The following CACNA1D variants were observed in gnomAD, a reference collection of about 807,000 sequenced individuals.
CACNA1D encodes calcium voltage-gated channel subunit alpha1 D.
A neutral mutation model predicts 257.1 loss-of-function variants in CACNA1D; 55 were observed. That is an observed-to-expected ratio of 0.21 (90% CI 0.17 to 0.27). The LOEUF is 0.27. CACNA1D is among the 10% of genes least tolerant of loss of function. The pLI is 1.00. For missense variants in CACNA1D, 1,876 were observed against 2,784.0 expected, an observed-to-expected ratio of 0.67 and a Z score of 7.34; for synonymous variants, 980 against 1,014.9, an observed-to-expected ratio of 0.97 and a Z score of 0.65.
intron 9 of CACNA1D, among the ~76,000 whole-genome samples, chr3:53,706,268 G>C (rs2094688200): frequency 6.6e-6 from 1 of 152,212 alleles, no homozygotes; most frequent in Non-Finnish European, 1.5e-5. Flanking sequence ...AATGCTTCCT[G>C]ATAGCCGAGC....
rs1005641102 is a variant in CACNA1D at position 53,793,958 on chromosome 3, T to C, written c.4924-6291T>C. Among the ~76,000 whole-genome samples, 1 of 152,178 alleles carries C rather than the reference T, an allele frequency of 6.6e-6. No individual in the cohort carries two copies. Among genetic ancestry groups the C allele is most frequent in the Non-Finnish European group, 1.5e-5 (1 of 68,020 alleles). On this transcript the variant is annotated intron_variant, in intron 40 of 47. Transcript: ENST00000350061. The surrounding 1 kb of genome is among the most constrained non-coding windows in gnomAD (Gnocchi z 4.1). ...ACACCAGCATCCATAGGCTAAACTCTTCAGCTCCTGGATAGAAGATGAGAG... is the reference window on the plus strand; with the variant it reads ...ACACCAGCATCCATAGGCTAAACTCCTCAGCTCCTGGATAGAAGATGAGAG...
At chr3:53,750,179 T>C (rs2095213139) in intron 27 of CACNA1D, among the ~76,000 whole-genome samples, 1 of 152,136 alleles carries the variant, frequency 6.6e-6, no homozygotes. Flanking sequence ...GTAGGAGCCT[T>C]TTGCTCGGGT....
chr3:53,590,143 C>T (rs2093281976), intron 3 of CACNA1D, among the ~76,000 whole-genome samples: 1 of 152,254 alleles, frequency 6.6e-6, no homozygotes, highest in Non-Finnish European at 1.5e-5. Context: ...CCTGGCCATC[C>T]AGCCTCAGCT....
At chr3:53,513,310 T>C (rs944724130) in intron 3 of CACNA1D, among the ~76,000 whole-genome samples, 1 of 152,234 alleles carries the variant, frequency 6.6e-6, no homozygotes, top group African/African-American at 2.4e-5. Context: ...TCGTAGTCAT[T>C]GTGCCTTTGT....
chr3:53,684,621 CAAA>C (rs60026644), intron 8 of CACNA1D, among the ~76,000 whole-genome samples: 10 of 84,530 alleles, frequency 1.2e-4, no homozygotes, highest in East Asian at 2.7e-4. Context: ...GAAACTCTGT[CAAA>C]AAAAAAAAAA....
At chr3:53,579,545 AG>A (rs2093095551) in intron 3 of CACNA1D, among the ~76,000 whole-genome samples, 1 of 152,214 alleles carries the variant, frequency 6.6e-6, no homozygotes, top group Non-Finnish European at 1.5e-5. Flanking sequence ...AAAGATTTGT[AG>A]GGAATTTACT....
chr3:53,654,359 G>A (rs1360207788), intron 4 of CACNA1D, among the ~76,000 whole-genome samples: 1 of 152,168 alleles, frequency 6.6e-6, no homozygotes. Flanking sequence ...TAATAACAGT[G>A]TATTGTGGTG....
chr3:53,534,891 G>A (rs574649430), intron 3 of CACNA1D, among the ~76,000 whole-genome samples: 2 of 152,306 alleles, frequency 1.3e-5, no homozygotes, highest in East Asian at 1.9e-4. Context: ...CCCACGGAAC[G>A]TTTCTTATGC....
In CACNA1D at chr3:53,735,379, G is replaced by A; in HGVS notation, c.2627G>A (p.Arg876His). The change falls in exon 20 of 48, where the codon CGC (arginine) becomes CAC (histidine). Residue 876 changes from arginine (R) to histidine (H), a missense_variant. Arg to His is a conservative substitution (Grantham distance 29, BLOSUM62 0). This residue lies in a region of CACNA1D where 271 missense variants were observed against 425.5 expected (regional missense o/e 0.64). Transcript: ENST00000350061. ...FFILSKTNPI[R>H]VGCHKLINHH... is the part of the protein sequence containing the mutation. ...GCAGCGGCTTTTCCCTGCAGGATCC[G>A]CGTAGGCTGCCACAAGCTCATCAAC... 1.9e-6 allele frequency: 3 copies of A among 1,614,016 alleles called. No individual in the cohort carries two copies. Among genetic ancestry groups the A allele is most frequent in the Non-Finnish European group, 2.5e-6 (3 of 1,179,890 alleles).
rs57027000 is a variant in CACNA1D, at chr3:53,569,532, A to G, written c.483+67812A>G. On this transcript the variant is annotated intron_variant, in intron 3 of 47. Coordinates refer to ENST00000350061, the MANE Select transcript of CACNA1D (RefSeq NM_001128840.3). ...GAGTGAATGTGTTAGGTCTCCATAT[A>G]CAGTGGAGATTCTAGTAATTCGCTG... is the stretch of plus-strand genomic sequence containing the variant. 0.012 allele frequency among the ~76,000 whole-genome samples: 1,832 copies of G among 152,298 alleles called. 71 individuals carry two copies. In the East Asian group the frequency reaches 0.13, roughly 11 times the overall value.
chr3:53,681,275 G>A (rs1445775180), intron 8 of CACNA1D, among the ~76,000 whole-genome samples: 1 of 152,242 alleles, frequency 6.6e-6, no homozygotes, highest in African/African-American at 2.4e-5. Context: ...GCTGCTAGAA[G>A]AGCATTGGAG....
intron 3 of CACNA1D, among the ~76,000 whole-genome samples, chr3:53,637,720 A>T (rs1193797091): frequency 6.6e-6 from 1 of 152,138 alleles, no homozygotes; most frequent in Non-Finnish European, 1.5e-5. Flanking sequence ...AGTGCAAGTG[A>T]CATGGGTTTC....
chr3:53,766,747 C>G (rs2095334581), intron 30 of CACNA1D, among the ~76,000 whole-genome samples: 1 of 152,162 alleles, frequency 6.6e-6, no homozygotes, highest in Admixed American at 6.5e-5. Flanking sequence ...AAGGGGCTGT[C>G]TCCTGTAGGG....
At chr3:53,737,157 A>C (rs1233019142) in intron 20 of CACNA1D, among the ~76,000 whole-genome samples, 1 of 151,500 alleles carries the variant, frequency 6.6e-6, no homozygotes, top group Non-Finnish European at 1.5e-5. Flanking sequence ...AAAATTAGCC[A>C]GGTGTGGTGG....
chr3:53,648,445 G>A (rs1418479030), intron 3 of CACNA1D, among the ~76,000 whole-genome samples: 1 of 152,048 alleles, frequency 6.6e-6, no homozygotes, highest in East Asian at 1.9e-4. Flanking sequence ...GCTTCATTGA[G>A]GCCTTCCTGT....
At chr3:53,717,854 A>G (rs1216224820) in intron 9 of CACNA1D, among the ~76,000 whole-genome samples, 2 of 152,198 alleles carry the variant, frequency 1.3e-5, no homozygotes, top group Non-Finnish European at 2.9e-5. Flanking sequence ...CTCCCTCAGT[A>G]TATTTAAGAT....
chr3:53,715,607 C>T (rs952606392), intron 9 of CACNA1D, among the ~76,000 whole-genome samples: 7 of 152,126 alleles, frequency 4.6e-5, no homozygotes, highest in Non-Finnish European at 8.8e-5. Context: ...CCCAGCACTC[C>T]GCATGCCTCA....
intron 3 of CACNA1D, among the ~76,000 whole-genome samples, chr3:53,633,708 G>A (rs1277740636): frequency 1.3e-5 from 2 of 152,190 alleles, no homozygotes; most frequent in African/African-American, 4.8e-5. Flanking sequence ...GTGCTTTTCA[G>A]AACCCACCTA....
chr3:53,721,114 C>T (rs984362001), intron 11 of CACNA1D, among the ~76,000 whole-genome samples: 20 of 152,142 alleles, frequency 1.3e-4, no homozygotes, highest in Non-Finnish European at 1.6e-4. Context: ...CAGCTGTGAG[C>T]GGGACAGTCT....
Sources: gnomAD v4.1 joint callset for allele counts (sites outside exome capture counted in the v4.1 genomes callset) on GRCh38, gnomAD v4.1.1 for gene constraint, gnomAD v4.1.1 regional missense constraint, Gnocchi (gnomAD v3.1) non-coding constraint, MANE v1.5 for transcripts, NCBI Gene and HGNC (gene_info 2026-07-23, HGNC 2026-07-21) for gene names.